CGA: variants seen among roughly 807,000 people sequenced by gnomAD.
CGA encodes the protein glycoprotein hormones, alpha polypeptide.
A neutral mutation model predicts 12.0 loss-of-function variants in CGA; 4 were observed. That is an observed-to-expected ratio of 0.33 (90% confidence interval 0.16 to 0.76). CGA has a LOEUF of 0.76. Ranked by LOEUF, CGA falls within the 30% of genes least tolerant of loss-of-function variation. CGA has a pLI of 0.60. For missense variants in CGA, 102 were observed against 143.5 expected (o/e 0.71, Z 1.48); for synonymous variants, 60 against 56.6 (o/e 1.06, Z -0.27).
intron 1 of CGA, among the ~76,000 whole-genome samples, chr6:87,090,458 T>A (rs926025861): frequency 6.6e-6 from 1 of 152,072 alleles, no homozygotes; most frequent in East Asian, 1.9e-4. Context: ...ACAATGCCAC[T>A]CATCACTAAT....
chr6:87,086,271 A>G lies in CGA; in HGVS notation c.252T>C (p.Cys84=). The G allele has an allele frequency of 6.2e-7, 1 of 1,612,906 alleles. No homozygotes were observed. Among genetic ancestry groups the G allele is most frequent in the Non-Finnish European group, 8.5e-7 (1 of 1,179,650 alleles). ...QKNVTSESTC[C]VAKSYNRVTV... ...TTACCCTGTTATATGATTTAGCTAC[A>G]CAGCAAGTGGACTCTGAGGTGACGT... The change falls in exon 3 of 4, where the codon TGT becomes TGC. Residue 84 remains cysteine, a synonymous_variant. Transcript: ENST00000627148.
At chr6:87,086,145 G>T (rs7745823) in intron 3 of CGA, 105 bp downstream of exon 3, 227,825 of 997,614 alleles carry the variant, frequency 0.23, 28,072 homozygotes, top group African/African-American at 0.39. Flanking sequence ...GCTCGACAGA[G>T]GCTGGGTCAT....
chr6:87,093,025 C>T (rs746441497), intron 1 of CGA, among the ~76,000 whole-genome samples: 17 of 152,104 alleles, frequency 1.1e-4, no homozygotes, highest in Non-Finnish European at 2.4e-4. Flanking sequence ...GTGATATCCC[C>T]GGCTCTGCCT....
chr6:87,087,936 A>C (rs2274137), intron 2 of CGA, 177 bp downstream of exon 2: 1 of 400,514 alleles, frequency 2.5e-6, no homozygotes, highest in East Asian at 3.6e-5. Flanking sequence ...TTCACTGCAC[A>C]TTTTCTGAAC....
intron 1 of CGA, among the ~76,000 whole-genome samples, chr6:87,090,422 G>A (rs777485259): frequency 2.0e-5 from 3 of 152,056 alleles, no homozygotes; most frequent in African/African-American, 4.8e-5. Flanking sequence ...TAGGCCAGAC[G>A]ATGAAGAGTT....
intron 1 of CGA, among the ~76,000 whole-genome samples, chr6:87,091,938 G>C (rs1262491792): frequency 1.3e-5 from 2 of 152,124 alleles, no homozygotes; most frequent in Non-Finnish European, 2.9e-5. Context: ...ATGGGATCTC[G>C]AGAGGTGGAA....
intron 1 of CGA, among the ~76,000 whole-genome samples, chr6:87,092,084 AT>A (rs36041112): frequency 6.0e-5 from 9 of 149,662 alleles, no homozygotes; most frequent in South Asian, 4.2e-4. Flanking sequence ...CTTTAAAAGG[AT>A]TTTTTTTTTT....
intron 1 of CGA, among the ~76,000 whole-genome samples, chr6:87,092,026 A>C (rs1769441902): frequency 6.6e-6 from 1 of 152,236 alleles, no homozygotes; most frequent in South Asian, 2.1e-4. Context: ...GAAAGAAAGA[A>C]AGAAAAGAAA....
chr6:87,092,873 G>A lies in CGA; in HGVS notation c.-8+2140C>T, dbSNP rs547485056. Among the ~76,000 whole-genome samples, 15 of 150,978 alleles carry A rather than the reference G, an allele frequency of 9.9e-5. No homozygotes were observed. The South Asian group carries it at 1.9e-3, about 19-fold the overall frequency. On this transcript the variant is annotated intron_variant, in intron 1 of 3. Coordinates refer to ENST00000627148, the MANE Select transcript of CGA (RefSeq NM_000735.4). ...GGTGATCCTCCCATCTTAGCCTCCC[G>A]GGTAACTGGGACAACAGGAGTGTGC...
At position 87,086,314 on chromosome 6, in the gene CGA, G is replaced by C. The variant is rs1002258841; in HGVS notation, c.209C>G (p.Thr70Arg). 2.5e-6 allele frequency: 4 copies of C among 1,613,960 alleles called. No individual in the cohort carries two copies. The highest frequency in any genetic ancestry group is 3.4e-6 in the Non-Finnish European group (4 of 1,179,992). The change falls in exon 3 of 4, where the codon ACG becomes AGG. Residue 70 changes from threonine (T) to arginine (R), a missense_variant. Coordinates refer to ENST00000627148, the MANE Select transcript of CGA (RefSeq NM_000735.4). ...AYPTPLRSKKTMLVQKNVTSE... is the reference protein window; with the variant it reads ...AYPTPLRSKKRMLVQKNVTSE... ...GGTGACGTTCTTTTGGACCAACATC[G>C]TCTTCTTGGACCTTAGTGGAGTGGG...
chr6:87,094,549 T>C (rs1264946999), intron 1 of CGA, among the ~76,000 whole-genome samples: 3 of 152,226 alleles, frequency 2.0e-5, no homozygotes, highest in Admixed American at 6.5e-5. Context: ...TGAGAACATC[T>C]ATTCAAAAGA....
chr6:87,089,833 A>G (rs1031914322), intron 1 of CGA, among the ~76,000 whole-genome samples: 1 of 152,250 alleles, frequency 6.6e-6, no homozygotes, highest in Non-Finnish European at 1.5e-5. Flanking sequence ...ATTTCCACAT[A>G]TAAGTACTTA....
At chr6:87,092,606 G>A (rs1202459853) in intron 1 of CGA, among the ~76,000 whole-genome samples, 1 of 151,010 alleles carries the variant, frequency 6.6e-6, no homozygotes, top group Non-Finnish European at 1.5e-5. Context: ...GAGAGGAAAA[G>A]AAAGAAAGAG....
At chr6:87,092,188 T>A (rs1769444743) in intron 1 of CGA, among the ~76,000 whole-genome samples, 1 of 152,024 alleles carries the variant, frequency 6.6e-6, no homozygotes, top group Non-Finnish European at 1.5e-5. Context: ...TTTCCAAAAA[T>A]GGCCACAAAA....
intron 2 of CGA, 186 bp from the exon 3 acceptor site, chr6:87,086,620 TACAACA>T (rs933149811): frequency 1.8e-6 from 1 of 562,456 alleles, no homozygotes; most frequent in Non-Finnish European, 3.1e-6. Flanking sequence ...CTACAAAAAA[TACAACA>T]ACAACAAAAA....
chr6:87,087,800 T>C (rs957239585), intron 2 of CGA: 12 of 185,338 alleles, frequency 6.5e-5, no homozygotes, highest in Admixed American at 1.2e-4. Context: ...CCGGGAGAAA[T>C]GTAAAAAATA....
At chr6:87,092,069 T>C (rs1022887731) in intron 1 of CGA, among the ~76,000 whole-genome samples, 2 of 145,926 alleles carry the variant, frequency 1.4e-5, no homozygotes, top group Non-Finnish European at 3.0e-5. Flanking sequence ...TGTCTAGGCA[T>C]CTTACTTTAA....
At chr6:87,086,506 G>C (rs1451214600) in intron 2 of CGA, 72 bp from the exon 3 acceptor site, 1 of 1,442,490 alleles carries the variant, frequency 6.9e-7, no homozygotes, top group Non-Finnish European at 9.4e-7. Context: ...GGCCAGCACA[G>C]TAGCTCACGC....
intron 1 of CGA, among the ~76,000 whole-genome samples, chr6:87,092,672 T>G (rs1202209707): frequency 6.7e-6 from 1 of 149,676 alleles, no homozygotes; most frequent in Non-Finnish European, 1.5e-5. Context: ...TTTAAACTGA[T>G]CAAGCTATAA....
Sources: gnomAD v4.1 joint callset for allele counts (sites outside exome capture counted in the v4.1 genomes callset) on GRCh38, gnomAD v4.1.1 for gene constraint, MANE v1.5 for transcripts, NCBI Gene and HGNC (gene_info 2026-07-23, HGNC 2026-07-21) for gene names.